Variants in NPSR1 observed in about 807,000 individuals in gnomAD.
NPSR1 encodes neuropeptide S receptor.
Under a neutral mutation model 46.9 loss-of-function variants are expected in NPSR1, and 48 were observed. The ratio of observed to expected loss-of-function variants is 1.02; its 90% CI spans 0.81 to 1.30. The LOEUF (loss-of-function observed/expected upper bound fraction) is 1.30. Among genes scored for constraint, NPSR1 ranks in the 50% most tolerant of loss-of-function variants. NPSR1 has a pLI of 0.00. For synonymous variants in NPSR1, 176 were observed against 168.1 expected (o/e 1.05, Z -0.36); for missense variants, 450 against 449.5 (o/e 1.00, Z -0.01).
At chr7:34,663,067 C>CTCTCTCTCTCTCTCTCTG (rs35826710) in intron 1 of NPSR1, among the ~76,000 whole-genome samples, 27 of 99,418 alleles carry the variant, frequency 2.7e-4, no homozygotes, top group East Asian at 1.2e-3. Context: ...CTCTCTCTCT[C>CTCTCTCTCTCTCTCTCTG]TGTGTGTGTG....
At chr7:34,666,057 T>C (rs1284443233) in intron 1 of NPSR1, among the ~76,000 whole-genome samples, 3 of 152,242 alleles carry the variant, frequency 2.0e-5, no homozygotes, top group Non-Finnish European at 4.4e-5. Flanking sequence ...CTCATGTGAA[T>C]GAATTTGGGT....
intron 2 of NPSR1, among the ~76,000 whole-genome samples, chr7:34,693,181 A>T (rs1415570293): frequency 6.6e-6 from 1 of 152,134 alleles, no homozygotes; most frequent in Non-Finnish European, 1.5e-5. Flanking sequence ...CCAAGAAGCC[A>T]AGCAGATGCC....
chr7:34,752,973 T>C (rs1002793324), intron 2 of NPSR1, among the ~76,000 whole-genome samples: 1 of 152,206 alleles, frequency 6.6e-6, no homozygotes, highest in African/African-American at 2.4e-5. Context: ...TTTAATTATT[T>C]CCCAACTCCC....
intron 1 of NPSR1, among the ~76,000 whole-genome samples, chr7:34,670,182 G>A (rs1041282998): frequency 1.3e-5 from 2 of 152,198 alleles, no homozygotes; most frequent in African/African-American, 2.4e-5. Flanking sequence ...AAACAACTAT[G>A]GGGAAGAAAG....
intron 1 of NPSR1, among the ~76,000 whole-genome samples, chr7:34,664,327 TAG>T (rs1791626453): frequency 6.6e-6 from 1 of 152,122 alleles, no homozygotes; most frequent in African/African-American, 2.4e-5. Context: ...GCATGTCCTG[TAG>T]AGAGTTGTTG....
Position 34,788,888 on chromosome 7 carries a change from G to A in NPSR1, c.384+10323G>A, listed in dbSNP as rs575323598. The stretch of plus-strand genomic sequence containing the variant: ...GAAGCACCCAAGGAACATTCTCCAG[G>A]ATAATCATAGAGTAAGCCACAAAAC... On this transcript the variant is annotated intron_variant, in intron 3 of 8. Coordinates refer to ENST00000360581, the MANE Select transcript of NPSR1 (RefSeq NM_207172.2). Among the ~76,000 whole-genome samples, 372 of 151,998 alleles carry A rather than the reference G, an allele frequency of 2.4e-3. 1 individual carries two copies. The highest frequency in any genetic ancestry group is 3.7e-3 in the Non-Finnish European group (249 of 67,940).
chr7:34,798,504 C>T (rs1430629622), intron 3 of NPSR1, among the ~76,000 whole-genome samples: 1 of 152,122 alleles, frequency 6.6e-6, no homozygotes, highest in Non-Finnish European at 1.5e-5. Flanking sequence ...CACTACACTC[C>T]AGCCTGGGTG....
chr7:34,814,863 A>G (rs1464921304), intron 4 of NPSR1, among the ~76,000 whole-genome samples: 2 of 151,684 alleles, frequency 1.3e-5, no homozygotes, highest in Non-Finnish European at 2.9e-5. Flanking sequence ...AGAAAGGAAT[A>G]GCACCAACAT....
intron 2 of NPSR1, among the ~76,000 whole-genome samples, chr7:34,705,310 C>G (rs1383827325): frequency 6.6e-6 from 1 of 151,798 alleles, no homozygotes; most frequent in Non-Finnish European, 1.5e-5. Context: ...GCCCGTAATA[C>G]CAGCTACTCA....
In NPSR1 at chr7:34,849,311, T is replaced by G. The variant is rs998866570; in HGVS notation, c.1026-254T>G. 3.3e-6 allele frequency: 5 copies of G among 1,524,240 alleles called. No homozygotes were observed. The African/African-American group carries it at 6.9e-5, about 21-fold the overall frequency. 94.4% of individuals were successfully genotyped at this position (1,524,240 alleles called of 1,614,324 possible). A position where few individuals can be genotyped will look rare whatever the true frequency, so the allele number is the denominator to read the frequency against. ...ACATCTGTAAACCTCAGCTTCTTCA[T>G]CTGTAAAACAGGGCTAATAGCAGTG... On this transcript the variant is annotated intron_variant, in intron 8 of 8. Coordinates refer to ENST00000360581, the MANE Select transcript of NPSR1 (RefSeq NM_207172.2).
chr7:34,691,629 A>G (rs1793264951), intron 2 of NPSR1, among the ~76,000 whole-genome samples: 1 of 152,216 alleles, frequency 6.6e-6, no homozygotes. Context: ...GAATGGCATC[A>G]TATAATGATA....
At chr7:34,747,082 G>A (rs62462883) in intron 2 of NPSR1, among the ~76,000 whole-genome samples, 18,627 of 145,454 alleles carry the variant, frequency 0.13, 1,425 homozygotes, top group Non-Finnish European at 0.17. Context: ...CCGAGACTGC[G>A]CCACTGCACT....
chr7:34,733,698 T>C (rs1414112642), intron 2 of NPSR1, among the ~76,000 whole-genome samples: 3 of 152,200 alleles, frequency 2.0e-5, no homozygotes, highest in Non-Finnish European at 4.4e-5. Context: ...GGAGGATCTT[T>C]TCATGACAAA....
intron 2 of NPSR1, among the ~76,000 whole-genome samples, chr7:34,696,384 G>A (rs1407819946): frequency 6.6e-6 from 1 of 152,030 alleles, no homozygotes; most frequent in Non-Finnish European, 1.5e-5. Flanking sequence ...TAGGTAATGG[G>A]TACACTGGAA....
At chr7:34,685,471 A>C (rs1278061830) in intron 2 of NPSR1, among the ~76,000 whole-genome samples, 1 of 152,086 alleles carries the variant, frequency 6.6e-6, no homozygotes, top group Admixed American at 6.5e-5. Context: ...GATGGCTGTT[A>C]TATTAGCTTA....
Position 34,705,587 on chromosome 7 carries a change from G to A in NPSR1, c.280+20903G>A, listed in dbSNP as rs952431410. Among the ~76,000 whole-genome samples the A allele has an allele frequency of 5.5e-5, 8 of 145,652 alleles. No individual in the cohort carries two copies. In the East Asian group the frequency reaches 1.6e-3, roughly 29 times the overall value. On this transcript the variant is annotated intron_variant, in intron 2 of 8. Transcript: ENST00000360581. Reference sequence around the variant, plus strand: ...TAGCATATCTTTAATGTATGTTTGTGTATGTATGTTGATCTCTCTCTCTCT... The same window carrying A: ...TAGCATATCTTTAATGTATGTTTGTATATGTATGTTGATCTCTCTCTCTCT...
chr7:34,750,534 C>T (rs1205047099), intron 2 of NPSR1: 2 of 697,528 alleles, frequency 2.9e-6, no homozygotes, highest in Admixed American at 1.9e-5. Context: ...TGGCTACCTG[C>T]TTGGTTAATC....
intron 1 of NPSR1, among the ~76,000 whole-genome samples, chr7:34,663,717 CT>C (rs1791590740): frequency 6.6e-6 from 1 of 152,234 alleles, no homozygotes; most frequent in Non-Finnish European, 1.5e-5. Flanking sequence ...AGCGACCCCC[CT>C]GTCATGGGGA....
chr7:34,763,438 T>C (rs1221399347), intron 2 of NPSR1, among the ~76,000 whole-genome samples: 3 of 152,178 alleles, frequency 2.0e-5, no homozygotes, highest in Non-Finnish European at 4.4e-5. Flanking sequence ...ATCACAGTTT[T>C]AGGGCCTGGA....
Sources: allele counts gnomAD v4.1 joint callset (sites outside exome capture counted in the v4.1 genomes callset), GRCh38; gene constraint gnomAD v4.1.1; transcripts MANE v1.5; gene names NCBI Gene and HGNC (gene_info 2026-07-23, HGNC 2026-07-21).